Variants in HADHA observed in about 807,000 individuals in gnomAD.
HADHA encodes the protein trifunctional enzyme subunit alpha, mitochondrial.
In HADHA, 59 loss-of-function variants were observed where a neutral mutation model predicts 91.3. The observed-to-expected ratio is 0.65, with a 90% CI of 0.52 to 0.80. The LOEUF is 0.80. Ranked by LOEUF, HADHA falls within the 30% of genes least tolerant of loss-of-function variation. HADHA has a pLI of 0.00. For synonymous variants in HADHA, 320 were observed against 338.9 expected (o/e 0.94, Z 0.61); for missense variants, 800 against 927.6 (o/e 0.86, Z 1.79).
intron 12 of HADHA, among the ~76,000 whole-genome samples, chr2:26,202,062 G>T (rs548492124): frequency 9.0e-4 from 136 of 151,912 alleles, no homozygotes; most frequent in African/African-American, 3.0e-3. Context: ...GCCTCCCAAA[G>T]TGTTGGGATT....
At chr2:26,237,035 TG>T (rs1426781159) in intron 3 of HADHA, 47 bp from the exon 4 acceptor site, 2 of 1,317,428 alleles carry the variant, frequency 1.5e-6, no homozygotes, top group Non-Finnish European at 2.2e-6. Context: ...TTTGAAGCAC[TG>T]GATGTACGTA....
In HADHA at chr2:26,235,641, T is replaced by C. The variant is rs962516995; in HGVS notation, c.314+1214A>G. On this transcript the variant is annotated intron_variant, in intron 4 of 19. Coordinates refer to ENST00000380649, the MANE Select transcript of HADHA (RefSeq NM_000182.5). ...GTGGTTTTTCTTCTAGCTGAATTAT[T>C]TGTGCCTAACAAGAGACTGATTACT... 3.3e-5 allele frequency among the ~76,000 whole-genome samples: 5 copies of C among 152,260 alleles called. No individual in the cohort carries two copies. The East Asian group carries it at 9.6e-4, about 29-fold the overall frequency.
At chr2:26,209,455 A>C (rs1269638677) in intron 11 of HADHA, among the ~76,000 whole-genome samples, 1 of 152,180 alleles carries the variant, frequency 6.6e-6, no homozygotes, top group East Asian at 1.9e-4. Flanking sequence ...ATCTCAAATC[A>C]CAGGGAGAGA....
At chr2:26,232,719 C>A (rs1293165350) in intron 5 of HADHA, among the ~76,000 whole-genome samples, 1 of 152,138 alleles carries the variant, frequency 6.6e-6, no homozygotes, top group Non-Finnish European at 1.5e-5. Flanking sequence ...AGTTTAGGAC[C>A]AGGCACAGGT....
At chr2:26,191,765 G>T in intron 18 of HADHA, 137 bp from the exon 19 acceptor site, 1 of 872,056 alleles carries the variant, frequency 1.1e-6, no homozygotes, top group Non-Finnish European at 1.9e-6. Flanking sequence ...CAGAGAAGAT[G>T]CTGCCTGGGT....
chr2:26,212,606 C>G lies in HADHA; in HGVS notation c.939G>C (p.Glu313Asp). ...AGAGATAACCGGCATCACTCCCTTGCTCAATTCCAGTCTTTACCACCTAAA... is the reference window on the plus strand; with the variant it reads ...AGAGATAACCGGCATCACTCCCTTGGTCAATTCCAGTCTTTACCACCTAAA... ...KIIDVVKTGIEQGSDAGYLCE... is the reference protein window; with the variant it reads ...KIIDVVKTGIDQGSDAGYLCE... Residue 313 changes from glutamate (E) to aspartate (D), a missense_variant, in exon 10 of 20, where the codon GAG becomes GAC. Coordinates refer to ENST00000380649, the MANE Select transcript of HADHA (RefSeq NM_000182.5). 7 of 1,603,006 alleles carry G rather than the reference C, an allele frequency of 4.4e-6. No homozygotes were observed. Among genetic ancestry groups the G allele is most frequent in the Non-Finnish European group, 5.1e-6 (6 of 1,169,936 alleles).
intron 7 of HADHA, among the ~76,000 whole-genome samples, chr2:26,226,431 T>C (rs1384795756): frequency 6.6e-6 from 1 of 152,148 alleles, no homozygotes; most frequent in Non-Finnish European, 1.5e-5. Flanking sequence ...GGATTCCCTA[T>C]AAAAATACAA....
chr2:26,197,691 CT>C lies in HADHA; in HGVS notation c.1478del (p.Lys493ArgfsTer2). ...EIAAVSKRPEKVIGMHYFSPV... is the reference protein window; with the variant it reads ...EIAAVSKRPEXVIGMHYFSPV... Reference sequence around the variant, plus strand: ...GGGTTTTTCTCTGTTCCGAGTTTACCTTCTCAGGTCTTTTGCTGACAGCAGC... The same window carrying C: ...GGGTTTTTCTCTGTTCCGAGTTTACCTCTCAGGTCTTTTGCTGACAGCAGC... On this transcript the variant is annotated frameshift_variant and splice_region_variant, in exon 14 of 20. Coordinates refer to ENST00000380649, the MANE Select transcript of HADHA (RefSeq NM_000182.5). LOFTEE classifies it high-confidence loss of function. 1 of 1,363,674 alleles carries C rather than the reference CT, an allele frequency of 7.3e-7. No individual in the cohort carries two copies. 84.5% of individuals were successfully genotyped at this position (1,363,674 alleles called of 1,614,324 possible).
rs772322566 is a variant in HADHA at position 26,239,106 on chromosome 2, C to T, written c.105G>A (p.Leu35=). ...TTAAAAAGAAATTAAACTTACTCAG[C>T]AAAGCAGAAGACCCTGTAAAATTGC... ...ICRNFTGSSA[L]LTRTHINYGV... is the part of the protein sequence containing the mutation. Residue 35 remains leucine, a synonymous_variant, in exon 2 of 20, where the codon TTG becomes TTA. Coordinates refer to ENST00000380649, the MANE Select transcript of HADHA (RefSeq NM_000182.5). The T allele has an allele frequency of 6.2e-7, 1 of 1,606,748 alleles. No individual in the cohort carries two copies. Among genetic ancestry groups the T allele is most frequent in the Non-Finnish European group, 8.5e-7 (1 of 1,173,412 alleles).
In HADHA at chr2:26,219,615, G is replaced by T. The variant is rs553297000; in HGVS notation, c.677-4440C>A. 2.0e-5 allele frequency among the ~76,000 whole-genome samples: 3 copies of T among 152,322 alleles called. No individual in the cohort carries two copies. The East Asian group carries it at 5.8e-4, about 29-fold the overall frequency. ...TAGGTCAGAAATTACAGTGGGAACT[G>T]CTACCATCAACTGGGATCCCTAAAT... On this transcript the variant is annotated intron_variant, in intron 7 of 19. Coordinates refer to ENST00000380649, the MANE Select transcript of HADHA (RefSeq NM_000182.5).
intron 14 of HADHA, among the ~76,000 whole-genome samples, chr2:26,195,872 T>G (rs1230601879): frequency 6.6e-6 from 1 of 152,218 alleles, no homozygotes; most frequent in African/African-American, 2.4e-5. Context: ...AGATTTGTTT[T>G]AATAATCCCT....
At position 26,234,638 on chromosome 2, in the gene HADHA, C is replaced by T. The variant is rs927792769; in HGVS notation, c.315-283G>A. Among the ~76,000 whole-genome samples, 106 of 151,622 alleles carry T rather than the reference C, an allele frequency of 7.0e-4. 2 individuals carry two copies. The highest frequency in any genetic ancestry group is 2.8e-3 in the Admixed American group (43 of 15,250). Reference sequence around the variant, plus strand: ...AAAATTAGCTGGGCATAGTGGCGGGCGCCTGTAGTCCCAGCTACTTGGGAG... The same window carrying T: ...AAAATTAGCTGGGCATAGTGGCGGGTGCCTGTAGTCCCAGCTACTTGGGAG... On this transcript the variant is annotated intron_variant, in intron 4 of 19. Transcript: ENST00000380649.
In HADHA at chr2:26,234,235, G is replaced by A; in HGVS notation, c.435C>T (p.Cys145=). The change falls in exon 5 of 20, where the codon TGC becomes TGT. Residue 145 remains cysteine, a synonymous_variant. Transcript: ENST00000380649. ...KPIVAAINGS[C]LGGGLEVAIS... ...TCTATACCTCAAGTCCTCCTCCCAG[G>A]CAGGATCCATTGATGGCAGCCACAA... 1 of 1,613,784 alleles carries A rather than the reference G, an allele frequency of 6.2e-7. No homozygotes were observed. The highest frequency in any genetic ancestry group is 8.5e-7 in the Non-Finnish European group (1 of 1,179,722).
At chr2:26,223,509 T>C (rs567811824) in intron 7 of HADHA, among the ~76,000 whole-genome samples, 1 of 151,522 alleles carries the variant, frequency 6.6e-6, no homozygotes, top group African/African-American at 2.4e-5. Context: ...AAAAGGGGAG[T>C]AGAAATATCA....
chr2:26,226,750 T>C (rs1479149127), intron 7 of HADHA, among the ~76,000 whole-genome samples: 2 of 152,148 alleles, frequency 1.3e-5, no homozygotes, highest in African/African-American at 4.8e-5. Context: ...ATCTTAGTGA[T>C]ATTGAGTTAG....
At chr2:26,234,727 C>T (rs1403368383) in intron 4 of HADHA, among the ~76,000 whole-genome samples, 1 of 149,208 alleles carries the variant, frequency 6.7e-6, no homozygotes, top group Non-Finnish European at 1.5e-5. Flanking sequence ...GATCGCGCCA[C>T]TGCACTCCAG....
At position 26,192,215 on chromosome 2, in the gene HADHA, G is replaced by T. The variant is rs1031160668; in HGVS notation, c.2000+95C>A. 131 of 713,512 alleles carry T rather than the reference G, an allele frequency of 1.8e-4. No individual in the cohort carries two copies. In the African/African-American group the frequency reaches 2.3e-3, roughly 12 times the overall value. The allele number at this position is 713,512 out of a possible 1,614,324, so 44.2% of individuals were successfully genotyped here. ...CTGCACATGTATCCCAGGACTTAAA[G>T]TATTAAAAAAAAAAAAAAATGGAAG... is the stretch of plus-strand genomic sequence containing the variant. On this transcript the variant is annotated intron_variant, in intron 18 of 19. Coordinates refer to ENST00000380649, the MANE Select transcript of HADHA (RefSeq NM_000182.5).
chr2:26,227,511 CA>C (rs71399373), intron 7 of HADHA, among the ~76,000 whole-genome samples: 116,311 of 141,852 alleles, frequency 0.82, 47,397 homozygotes, highest in African/African-American at 0.94. Context: ...GACTTTGTCT[CA>C]AAAAAAAAAA....
intron 11 of HADHA, among the ~76,000 whole-genome samples, chr2:26,207,864 A>C (rs1460710828): frequency 6.6e-6 from 1 of 152,250 alleles, no homozygotes; most frequent in East Asian, 1.9e-4. Flanking sequence ...ACAATAGATA[A>C]GGAATTCCAG....
Sources: gnomAD v4.1 joint callset for allele counts (sites outside exome capture counted in the v4.1 genomes callset) on GRCh38, gnomAD v4.1.1 for gene constraint, MANE v1.5 for transcripts, NCBI Gene and HGNC (gene_info 2026-07-23, HGNC 2026-07-21) for gene names.